CAPN7: variants seen among roughly 807,000 people sequenced by gnomAD.
CAPN7 encodes calpain-7.
In CAPN7, 72 loss-of-function variants were observed where a neutral mutation model predicts 115.2. The observed-to-expected ratio is 0.63, with a 90% confidence interval of 0.52 to 0.76. CAPN7 has a LOEUF of 0.76. Among genes scored for constraint, CAPN7 ranks in the 30% least tolerant of loss-of-function variants. The pLI is 0.00. For missense variants in CAPN7, 905 were observed against 971.5 expected, an observed-to-expected ratio of 0.93 and a Z score of 0.91; for synonymous variants, 344 against 322.3, an observed-to-expected ratio of 1.07 and a Z score of -0.72.
In CAPN7 at chr3:15,233,925, A is replaced by G; in HGVS notation, c.1238A>G (p.Asp413Gly). The stretch of plus-strand genomic sequence containing the variant: ...CCAGAAAGAATTGCTATGCATTCAG[A>G]TAGCCAAACTTTCAGTAAGGATAAT... Reference protein sequence around the residue: ...WIPERIAMHSDSQTFSKDNSF... With the variant: ...WIPERIAMHSGSQTFSKDNSF... The change falls in exon 11 of 21, where the codon GAT (aspartate) becomes GGT (glycine). Residue 413 changes from aspartate to glycine, a missense_variant. Transcript: ENST00000253693. The G allele has an allele frequency of 1.4e-5, 23 of 1,606,960 alleles. No individual in the cohort carries two copies. Among genetic ancestry groups the G allele is most frequent in the Non-Finnish European group, 2.0e-5 (23 of 1,174,430 alleles).
Position 15,206,333 on chromosome 3 carries a change from G to C in CAPN7, c.-163G>C. The C allele has an allele frequency of 1.8e-6, 1 of 560,484 alleles. No individual in the cohort carries two copies. 34.7% of individuals were successfully genotyped at this position (560,484 alleles called of 1,614,324 possible). ...GGGCGCGGCTTCGCGGTGGACCCCA[G>C]CCCGGCAACGGGAAGGCGAGCTCTC... On this transcript the variant is annotated 5_prime_UTR_variant, in exon 1 of 21. Transcript: ENST00000253693.
In CAPN7 at chr3:15,247,430, C is replaced by T. The variant is rs141078134; in HGVS notation, c.2177C>T (p.Pro726Leu). ...IYQFHIEKTG[P>L]LLIELRGPRQ... Reference sequence around the variant, plus strand: ...CAATTCCATATAGAAAAGACTGGGCCGTTACTGATTGAGCTACGAGGACCA... The same window carrying T: ...CAATTCCATATAGAAAAGACTGGGCTGTTACTGATTGAGCTACGAGGACCA... The change falls in exon 19 of 21, where the codon CCG becomes CTG. Residue 726 changes from proline to leucine, a missense_variant. Pro to Leu is a moderately conservative substitution (Grantham distance 98, BLOSUM62 -3). This residue lies in a region of CAPN7 where 620 missense variants were observed against 703.4 expected (regional missense o/e 0.88). Coordinates refer to ENST00000253693, the MANE Select transcript of CAPN7 (RefSeq NM_014296.3). 3.2e-5 allele frequency: 51 copies of T among 1,601,314 alleles called. No individual in the cohort carries two copies. In the Admixed American group the frequency reaches 7.4e-4, roughly 23 times the overall value.
At position 15,241,530 on chromosome 3, in the gene CAPN7, A is replaced by C. The variant is rs754210297; in HGVS notation, c.1730A>C (p.Gln577Pro). The part of the protein sequence containing the change: ...ANNPQYKLEV[Q>P]CPQGGAAVWV... ...AACCCCCAGTACAAACTGGAGGTGCAGTGTCCACAGGGGGGTGCTGCAGTT... is the reference window on the plus strand; with the variant it reads ...AACCCCCAGTACAAACTGGAGGTGCCGTGTCCACAGGGGGGTGCTGCAGTT... The change falls in exon 15 of 21, where the codon CAG becomes CCG. Residue 577 changes from glutamine to proline, a missense_variant. This residue lies in a region of CAPN7 where 620 missense variants were observed against 703.4 expected (regional missense o/e 0.88). Transcript: ENST00000253693. The C allele has an allele frequency of 3.7e-6, 6 of 1,614,128 alleles. No individual in the cohort carries two copies. The highest frequency in any genetic ancestry group is 3.3e-5 in the South Asian group (3 of 91,082).
Position 15,237,796 on chromosome 3 carries a change from C to T in CAPN7, c.1407+2651C>T, listed in dbSNP as rs531642465. ...ACCAGCCTGAGCAACATAGCAAGAC[C>T]CCATCTCTACAATAAATAATTTTTT... On this transcript the variant is annotated intron_variant, in intron 12 of 20. Coordinates refer to ENST00000253693, the MANE Select transcript of CAPN7 (RefSeq NM_014296.3). Among the ~76,000 whole-genome samples the T allele has an allele frequency of 8.6e-5, 13 of 151,948 alleles. No homozygotes were observed. The South Asian group carries it at 1.7e-3, about 19-fold the overall frequency.
chr3:15,221,520 GT>G (rs1488268398), intron 5 of CAPN7, among the ~76,000 whole-genome samples: 1 of 151,868 alleles, frequency 6.6e-6, no homozygotes, highest in Non-Finnish European at 1.5e-5. Context: ...TAATATTAGC[GT>G]TTTTGCTAGA....
chr3:15,220,236 T>G (rs1420651204), intron 4 of CAPN7, among the ~76,000 whole-genome samples: 1 of 152,068 alleles, frequency 6.6e-6, no homozygotes, highest in Non-Finnish European at 1.5e-5. Flanking sequence ...AGAAATTACC[T>G]TAATTCATTG....
In CAPN7 at chr3:15,246,760, C is replaced by T; in HGVS notation, c.2039C>T (p.Ser680Leu). The stretch of plus-strand genomic sequence containing the variant: ...TATTCAGCATGCAGCTTTACTTTTT[C>T]AAAGATTCCTTCACCATACACCTTA... ...RVYSACSFTF[S>L]KIPSPYTLSK... Residue 680 changes from serine to leucine, a missense_variant, in exon 18 of 21, where the codon TCA becomes TTA. By Grantham distance (145) the Ser-to-Leu change is moderately radical (BLOSUM62 -2). Coordinates refer to ENST00000253693, the MANE Select transcript of CAPN7 (RefSeq NM_014296.3). 6.2e-7 allele frequency: 1 copy of T among 1,608,910 alleles called. No homozygotes were observed. Among genetic ancestry groups the T allele is most frequent in the Non-Finnish European group, 8.5e-7 (1 of 1,176,586 alleles).
Position 15,235,051 on chromosome 3 carries a change from C to T in CAPN7, c.1313C>T (p.Thr438Ile), listed in dbSNP as rs774707467. 1.2e-6 allele frequency: 2 copies of T among 1,612,988 alleles called. No homozygotes were observed. The highest frequency in any genetic ancestry group is 2.2e-5 in the South Asian group (2 of 90,992). ...QRFHKGDVLI[T>I]ASTGMMTEAE... The stretch of plus-strand genomic sequence containing the variant: ...TTTCACAAAGGAGATGTCCTCATCA[C>T]TGCGTCAACTGGAATGATGACAGAA... The change falls in exon 12 of 21, where the codon ACT becomes ATT. Residue 438 changes from threonine to isoleucine, a missense_variant. Thr to Ile is a moderately conservative substitution (Grantham distance 89). Coordinates refer to ENST00000253693, the MANE Select transcript of CAPN7 (RefSeq NM_014296.3).
In CAPN7 at chr3:15,250,931, G is replaced by T. The variant is rs1017212083; in HGVS notation, c.2205G>T (p.Arg735Ser). ...TAATTCTGTTCATTTTAAATGCTAGGCAATATAGCGTTGGATTTGAGGTTG... is the reference window on the plus strand; with the variant it reads ...TAATTCTGTTCATTTTAAATGCTAGTCAATATAGCGTTGGATTTGAGGTTG... ...GPLLIELRGP[R>S]QYSVGFEVVT... is the part of the protein sequence containing the mutation. The change falls in exon 20 of 21, where the codon AGG (arginine) becomes AGT (serine). Residue 735 changes from arginine (R) to serine (S), a missense_variant and splice_region_variant. Arg to Ser is a moderately radical substitution (Grantham distance 110, BLOSUM62 -1). Around this residue, in one of 3 missense-constraint regions of CAPN7, gnomAD observed 620 missense variants for 703.4 expected, o/e 0.88. Transcript: ENST00000253693. 6.3e-7 allele frequency: 1 copy of T among 1,594,648 alleles called. No homozygotes were observed. The highest frequency in any genetic ancestry group is 1.3e-5 in the African/African-American group (1 of 74,526).
intron 19 of CAPN7, among the ~76,000 whole-genome samples, chr3:15,250,112 G>C (rs375116499): frequency 6.6e-6 from 1 of 150,640 alleles, no homozygotes; most frequent in Non-Finnish European, 1.5e-5. Flanking sequence ...GTGGCTCAAG[G>C]CTGTAATCCC....
At chr3:15,244,164 T>C (rs932992466) in intron 16 of CAPN7, among the ~76,000 whole-genome samples, 4 of 152,188 alleles carry the variant, frequency 2.6e-5, no homozygotes, top group African/African-American at 7.2e-5. Flanking sequence ...GTTTAAGTCT[T>C]ACTTTGTTTA....
In CAPN7 at chr3:15,247,428, G is replaced by T. The variant is rs756766933; in HGVS notation, c.2175G>T (p.Gly725=). The T allele has an allele frequency of 4.4e-6, 7 of 1,603,832 alleles. No homozygotes were observed. In the South Asian group the frequency reaches 7.9e-5, roughly 18 times the overall value. The change falls in exon 19 of 21, where the codon GGG becomes GGT. Residue 725 remains glycine (G), a synonymous_variant. Coordinates refer to ENST00000253693, the MANE Select transcript of CAPN7 (RefSeq NM_014296.3). ...PIYQFHIEKT[G]PLLIELRGPR... is the part of the protein sequence containing the mutation. Reference sequence around the variant, plus strand: ...ACCAATTCCATATAGAAAAGACTGGGCCGTTACTGATTGAGCTACGAGGAC... The same window carrying T: ...ACCAATTCCATATAGAAAAGACTGGTCCGTTACTGATTGAGCTACGAGGAC...
chr3:15,217,748 TAATG>T (rs1483646961), intron 3 of CAPN7, among the ~76,000 whole-genome samples, 166 bp downstream of exon 3: 1 of 152,256 alleles, frequency 6.6e-6, no homozygotes, highest in Non-Finnish European at 1.5e-5. Context: ...AGAAAGCTAA[TAATG>T]GGTTTTTGCA....
Position 15,212,204 on chromosome 3 carries a change from A to G in CAPN7, c.203A>G (p.His68Arg), listed in dbSNP as rs1234251133. The part of the protein sequence containing the change: ...TEYLERVQAL[H>R]SAVQSKSADP... Reference sequence around the variant, plus strand: ...TATCTGGAAAGAGTTCAAGCTCTACATTCAGCAGGTTAGTAAAGGACTACT... The same window carrying G: ...TATCTGGAAAGAGTTCAAGCTCTACGTTCAGCAGGTTAGTAAAGGACTACT... The change falls in exon 2 of 21, where the codon CAT (histidine) becomes CGT (arginine). Residue 68 changes from histidine to arginine, a missense_variant. Around this residue, in one of 3 missense-constraint regions of CAPN7, gnomAD observed 271 missense variants for 239.6 expected, o/e 1.13. Transcript: ENST00000253693. 1.9e-6 allele frequency: 3 copies of G among 1,588,076 alleles called. No homozygotes were observed. The highest frequency in any genetic ancestry group is 2.6e-6 in the Non-Finnish European group (3 of 1,159,960).
chr3:15,222,793 A>G (rs1183587412), intron 5 of CAPN7, among the ~76,000 whole-genome samples: 14 of 152,374 alleles, frequency 9.2e-5, no homozygotes, highest in Admixed American at 8.5e-4. Flanking sequence ...AAGGCTGTAC[A>G]TAGTCCCAAC....
At chr3:15,237,021 G>A (rs1695031710) in intron 12 of CAPN7, among the ~76,000 whole-genome samples, 1 of 152,114 alleles carries the variant, frequency 6.6e-6, no homozygotes, top group Non-Finnish European at 1.5e-5. Context: ...CAAATCATCA[G>A]TGGTGGTTGT....
intron 1 of CAPN7, among the ~76,000 whole-genome samples, chr3:15,211,787 C>T (rs139526685): frequency 5.3e-5 from 8 of 152,086 alleles, no homozygotes; most frequent in Non-Finnish European, 7.4e-5. Context: ...CCCAGCTACT[C>T]GGGAGGCTGA....
At chr3:15,237,147 T>A (rs1695038838) in intron 12 of CAPN7, among the ~76,000 whole-genome samples, 1 of 152,092 alleles carries the variant, frequency 6.6e-6, no homozygotes. Flanking sequence ...AAACTTTAAA[T>A]TTTTTTTAAC....
intron 16 of CAPN7, among the ~76,000 whole-genome samples, chr3:15,243,308 G>A (rs1020810657): frequency 2.6e-5 from 4 of 152,210 alleles, no homozygotes; most frequent in African/African-American, 4.8e-5. Context: ...CACAGGAAGG[G>A]TTCGGAGAGT....
Sources: allele counts gnomAD v4.1 joint callset (sites outside exome capture counted in the v4.1 genomes callset), GRCh38; gene constraint gnomAD v4.1.1; regional missense constraint gnomAD v4.1.1; transcripts MANE v1.5; gene names NCBI Gene and HGNC (gene_info 2026-07-23, HGNC 2026-07-21).